SNTG2: variants seen among roughly 807,000 people sequenced by gnomAD.
SNTG2 encodes syntrophin gamma 2.
A neutral mutation model predicts 70.9 loss-of-function variants in SNTG2; 74 were observed. The ratio of observed to expected loss-of-function variants is 1.04; its 90% CI spans 0.86 to 1.27. The LOEUF is 1.27. SNTG2 is among the 50% of genes most tolerant of loss of function. The probability of loss-of-function intolerance (pLI) is 0.00; values close to 1 mark genes in which losing one functional copy is unlikely to be tolerated. For missense variants in SNTG2, 717 were observed against 690.7 expected (o/e 1.04, Z -0.43); for synonymous variants, 278 against 273.8 (o/e 1.02, Z -0.15).
intron 1 of SNTG2, among the ~76,000 whole-genome samples, chr2:967,386 G>T (rs75520459): frequency 0.34 from 52,062 of 151,914 alleles, 9,644 homozygotes; most frequent in Middle Eastern, 0.46. Context: ...GGTTGATGAA[G>T]TTCCCTTCTC....
At chr2:1,168,204 G>C (rs924214170) in intron 7 of SNTG2, among the ~76,000 whole-genome samples, 4 of 128,148 alleles carry the variant, frequency 3.1e-5, no homozygotes, top group Non-Finnish European at 6.8e-5. Flanking sequence ...ACAGACGGCA[G>C]AACTGAAGCC....
At chr2:1,165,243 T>C (rs1036469089) in intron 6 of SNTG2, among the ~76,000 whole-genome samples, 1 of 152,232 alleles carries the variant, frequency 6.6e-6, no homozygotes, top group Non-Finnish European at 1.5e-5. Context: ...GAGGGTATTA[T>C]TTTCTGGTAG....
intron 4 of SNTG2, among the ~76,000 whole-genome samples, chr2:1,127,343 G>C (rs188224367): frequency 6.6e-6 from 1 of 151,924 alleles, no homozygotes; most frequent in South Asian, 2.1e-4. Context: ...CCTGTACCAC[G>C]TTGCTTTGGT....
intron 1 of SNTG2, among the ~76,000 whole-genome samples, chr2:966,911 C>T (rs1013838413): frequency 3.9e-5 from 6 of 152,080 alleles, no homozygotes; most frequent in African/African-American, 1.2e-4. Flanking sequence ...CGCGCCACTG[C>T]CCTCCAGCCT....
intron 4 of SNTG2, among the ~76,000 whole-genome samples, chr2:1,109,109 C>T (rs141678948): frequency 1.3e-3 from 191 of 152,180 alleles, no homozygotes; most frequent in Non-Finnish European, 2.4e-3. Flanking sequence ...CACTGGGGCG[C>T]AGGGTATGGA....
chr2:996,987 G>T (rs963692873), intron 1 of SNTG2, among the ~76,000 whole-genome samples: 4 of 151,992 alleles, frequency 2.6e-5, no homozygotes, highest in Admixed American at 2.0e-4. Context: ...TGTGTGTCTG[G>T]TCATCAACTC....
chr2:1,258,083 G>A (rs1678222923), intron 12 of SNTG2, among the ~76,000 whole-genome samples: 3 of 152,162 alleles, frequency 2.0e-5, no homozygotes, highest in Admixed American at 6.5e-5. Flanking sequence ...TCTGACATTA[G>A]GCAGTAGCAT....
At chr2:1,088,402 G>A (rs568442531) in intron 2 of SNTG2, among the ~76,000 whole-genome samples, 1 of 152,188 alleles carries the variant, frequency 6.6e-6, no homozygotes, top group Non-Finnish European at 1.5e-5. Context: ...TTCTTGGTTG[G>A]GTCCCACTCC....
intron 12 of SNTG2, among the ~76,000 whole-genome samples, chr2:1,254,447 A>G (rs944025985): frequency 2.0e-5 from 3 of 152,266 alleles, no homozygotes; most frequent in African/African-American, 4.8e-5. Flanking sequence ...TATAAAGTCA[A>G]TTTTACAGAA....
At chr2:1,071,654 A>T (rs1385402277) in intron 1 of SNTG2, among the ~76,000 whole-genome samples, 1 of 152,050 alleles carries the variant, frequency 6.6e-6, no homozygotes, top group Non-Finnish European at 1.5e-5. Context: ...TAATAATAAA[A>T]AAAAAAAAAC....
intron 9 of SNTG2, among the ~76,000 whole-genome samples, chr2:1,210,093 A>G (rs1024553460): frequency 6.6e-6 from 1 of 152,202 alleles, no homozygotes; most frequent in African/African-American, 2.4e-5. Flanking sequence ...TCTAGCAAAC[A>G]TTGCTTTTCA....
At chr2:1,066,842 G>A (rs1663188224) in intron 1 of SNTG2, among the ~76,000 whole-genome samples, 1 of 152,130 alleles carries the variant, frequency 6.6e-6, no homozygotes, top group Non-Finnish European at 1.5e-5. Flanking sequence ...AGCTTCTCGT[G>A]TGGTTGTAAG....
At chr2:1,307,711 G>A (rs887278727) in intron 14 of SNTG2, among the ~76,000 whole-genome samples, 5 of 152,174 alleles carry the variant, frequency 3.3e-5, no homozygotes, top group African/African-American at 9.7e-5. Flanking sequence ...TGCTTCTTTC[G>A]TCTGGAGTCG....
intron 1 of SNTG2, among the ~76,000 whole-genome samples, chr2:1,010,558 A>G (rs898528998): frequency 1.3e-5 from 2 of 152,250 alleles, no homozygotes; most frequent in Non-Finnish European, 2.9e-5. Context: ...GGCCAACAGG[A>G]TGCCACAGGA....
At chr2:1,238,214 C>G (rs1349252030) in intron 10 of SNTG2, among the ~76,000 whole-genome samples, 197 bp downstream of exon 10, 1 of 152,132 alleles carries the variant, frequency 6.6e-6, no homozygotes, top group Non-Finnish European at 1.5e-5. Flanking sequence ...AAGGCAATGT[C>G]TAACAGCTGA....
intron 1 of SNTG2, among the ~76,000 whole-genome samples, chr2:958,319 G>A (rs1660239639): frequency 1.3e-5 from 2 of 152,154 alleles, no homozygotes; most frequent in African/African-American, 4.8e-5. Flanking sequence ...ATATACAACT[G>A]TTTTCTTATA....
intron 1 of SNTG2, among the ~76,000 whole-genome samples, chr2:1,061,599 G>A (rs1033003297): frequency 6.6e-6 from 1 of 152,196 alleles, no homozygotes; most frequent in African/African-American, 2.4e-5. Context: ...TGGCCCTCTT[G>A]GTGCTTCATG....
At chr2:1,348,512 C>T (rs899423683) in intron 16 of SNTG2, among the ~76,000 whole-genome samples, 1 of 152,234 alleles carries the variant, frequency 6.6e-6, no homozygotes, top group African/African-American at 2.4e-5. Context: ...CTATTGATCC[C>T]AGGTCTTTAT....
Position 1,228,872 on chromosome 2 carries a change from G to A in SNTG2, c.720-9016G>A, listed in dbSNP as rs577585315. ...CTTCTGATGTTTGGATGTGTTCAGA[G>A]TTTCTTCCTTCTGGTGGGTTCGTGG... On this transcript the variant is annotated intron_variant, in intron 9 of 16. Transcript: ENST00000308624. Among the ~76,000 whole-genome samples the A allele has an allele frequency of 2.8e-4, 42 of 152,270 alleles. No individual in the cohort carries two copies. In the South Asian group the frequency reaches 7.7e-3, roughly 28 times the overall value.
Sources: gnomAD v4.1 joint callset for allele counts (sites outside exome capture counted in the v4.1 genomes callset) on GRCh38, gnomAD v4.1.1 for gene constraint, MANE v1.5 for transcripts, NCBI Gene and HGNC (gene_info 2026-07-23, HGNC 2026-07-21) for gene names.